Variants in HS3ST3A1 observed in about 807,000 individuals in gnomAD.
The protein encoded by HS3ST3A1 is heparan sulfate glucosamine 3-O-sulfotransferase 3A1.
A neutral mutation model predicts 25.7 loss-of-function variants in HS3ST3A1; 19 were observed. The ratio of observed to expected loss-of-function variants is 0.74; its 90% CI spans 0.52 to 1.08. The LOEUF (loss-of-function observed/expected upper bound fraction) is 1.08, where lower values mean the gene tolerates loss of function less well. HS3ST3A1 is among the 50% of genes least tolerant of loss of function. The pLI is 0.00. For missense variants in HS3ST3A1, 459 were observed against 594.3 expected (o/e 0.77, Z 2.37); for synonymous variants, 226 against 278.6 (o/e 0.81, Z 1.88).
intron 1 of HS3ST3A1, among the ~76,000 whole-genome samples, chr17:13,567,808 C>T (rs879521389): frequency 5.3e-5 from 8 of 152,118 alleles, no homozygotes; most frequent in Admixed American, 1.3e-4. Flanking sequence ...TATGGATGAA[C>T]GAAGAAAGTG....
Position 13,574,046 on chromosome 17 carries a change from C to T in HS3ST3A1, c.599+26485G>A, listed in dbSNP as rs925698465. Among the ~76,000 whole-genome samples, 30 of 151,922 alleles carry T rather than the reference C, an allele frequency of 2.0e-4. 1 individual carries two copies. The highest frequency in any genetic ancestry group is 6.9e-3 in the Middle Eastern group (2 of 288). On this transcript the variant is annotated intron_variant, in intron 1 of 1. Transcript: ENST00000284110. The stretch of plus-strand genomic sequence containing the variant: ...GTGGTATTCTGTTACAGCAGATAAA[C>T]TAAGACCATTCCCTAATGCAGTTCT...
At chr17:13,589,591 A>C (rs76137377) in intron 1 of HS3ST3A1, among the ~76,000 whole-genome samples, 1,933 of 152,320 alleles carry the variant, frequency 0.013, 30 homozygotes, top group African/African-American at 0.045. Flanking sequence ...TTCTTAAAAC[A>C]AGAAAAAACA....
At position 13,601,216 on chromosome 17, in the gene HS3ST3A1, C is replaced by G. The variant is rs913955276; in HGVS notation, c.-87G>C. 1.9e-6 allele frequency: 2 copies of G among 1,038,634 alleles called. No individual in the cohort carries two copies. The highest frequency in any genetic ancestry group is 1.8e-5 in the South Asian group (1 of 54,108). 64.3% of individuals were successfully genotyped at this position (1,038,634 alleles called of 1,614,324 possible). On this transcript the variant is annotated 5_prime_UTR_variant, in exon 1 of 2. Coordinates refer to ENST00000284110, the MANE Select transcript of HS3ST3A1 (RefSeq NM_006042.3). ...CCAGAGCATCCCCCCGGCGGGCCAG[C>G]GCGCTGGACGGAGGCCACATCGCCG...
intron 1 of HS3ST3A1, among the ~76,000 whole-genome samples, chr17:13,552,102 CAG>C (rs1403892222): frequency 2.6e-5 from 4 of 152,104 alleles, no homozygotes; most frequent in East Asian, 1.9e-4. Context: ...TTTTTTGAGA[CAG>C]AGTCTCGTTC....
In HS3ST3A1 at chr17:13,495,174, A is replaced by T. The variant is rs1271801743; in HGVS notation, c.*1023T>A. Among the ~76,000 whole-genome samples the T allele has an allele frequency of 6.6e-6, 1 of 152,194 alleles. No individual in the cohort carries two copies. The highest frequency in any genetic ancestry group is 1.5e-5 in the Non-Finnish European group (1 of 68,038). ...TTTTTTTAAAGTCAATTAAATCAAC[A>T]AATGGGTAAGTTACGTTCCTAACAC... is the stretch of plus-strand genomic sequence containing the variant. On this transcript the variant is annotated 3_prime_UTR_variant, in exon 2 of 2. Transcript: ENST00000284110.
At chr17:13,510,495 T>C (rs909502192) in intron 1 of HS3ST3A1, among the ~76,000 whole-genome samples, 15 of 152,198 alleles carry the variant, frequency 9.9e-5, no homozygotes, top group African/African-American at 3.6e-4. Flanking sequence ...TTGTTGGTTG[T>C]TTGTTCATTC....
intron 1 of HS3ST3A1, among the ~76,000 whole-genome samples, chr17:13,533,499 A>C (rs1385776697): frequency 1.1e-5 from 1 of 93,940 alleles, no homozygotes; most frequent in African/African-American, 3.5e-5. Flanking sequence ...AAATATACAA[A>C]GAATACTTAT....
At chr17:13,539,509 G>T (rs963866326) in intron 1 of HS3ST3A1, among the ~76,000 whole-genome samples, 1 of 152,160 alleles carries the variant, frequency 6.6e-6, no homozygotes, top group African/African-American at 2.4e-5. Flanking sequence ...CATTGGCAAA[G>T]AACATCTTTT....
At chr17:13,510,514 T>C (rs1427752576) in intron 1 of HS3ST3A1, among the ~76,000 whole-genome samples, 1 of 152,252 alleles carries the variant, frequency 6.6e-6, no homozygotes, top group East Asian at 1.9e-4. Flanking sequence ...TCGCTATTTT[T>C]CTGTCAGTTT....
At chr17:13,593,820 G>C (rs1908502188) in intron 1 of HS3ST3A1, among the ~76,000 whole-genome samples, 1 of 152,126 alleles carries the variant, frequency 6.6e-6, no homozygotes, top group African/African-American at 2.4e-5. Flanking sequence ...CCCTAGAACA[G>C]TACAACGATC....
chr17:13,548,471 C>T (rs79445529), intron 1 of HS3ST3A1, among the ~76,000 whole-genome samples: 2,982 of 152,268 alleles, frequency 0.02, 107 homozygotes, highest in African/African-American at 0.068. Flanking sequence ...ATGAATTTTG[C>T]AGGAACATGT....
chr17:13,593,233 CAAAAAAA>C (rs5819419), intron 1 of HS3ST3A1, among the ~76,000 whole-genome samples: 1,678 of 103,190 alleles, frequency 0.016, 42 homozygotes, highest in African/African-American at 0.054. Context: ...TGTTTGTAGC[CAAAAAAA>C]AAAAAAAAAA....
At chr17:13,563,208 G>T (rs576547134) in intron 1 of HS3ST3A1, among the ~76,000 whole-genome samples, 1 of 151,836 alleles carries the variant, frequency 6.6e-6, no homozygotes, top group African/African-American at 2.4e-5. Flanking sequence ...TGAAATGTTC[G>T]CCAGAACCGC....
chr17:13,585,076 C>G (rs1301201241), intron 1 of HS3ST3A1, among the ~76,000 whole-genome samples: 1 of 151,534 alleles, frequency 6.6e-6, no homozygotes, highest in African/African-American at 2.4e-5. Context: ...CTCCCATCCT[C>G]ATTACCAGCA....
chr17:13,543,236 C>T (rs1906986669), intron 1 of HS3ST3A1, among the ~76,000 whole-genome samples: 1 of 152,124 alleles, frequency 6.6e-6, no homozygotes, highest in Non-Finnish European at 1.5e-5. Context: ...ATACTAATCG[C>T]AACAAGCATT....
chr17:13,588,499 A>C (rs1478019486), intron 1 of HS3ST3A1, among the ~76,000 whole-genome samples: 1 of 152,184 alleles, frequency 6.6e-6, no homozygotes, highest in African/African-American at 2.4e-5. Context: ...TACACTAGTC[A>C]ACGTTTTTCA....
intron 1 of HS3ST3A1, among the ~76,000 whole-genome samples, chr17:13,501,565 T>A (rs6502270): frequency 0.81 from 123,797 of 152,158 alleles, 50,862 homozygotes; most frequent in East Asian, 0.94. Context: ...ATCTCAAATA[T>A]AAAAACGAGG....
At chr17:13,579,806 A>G (rs1908059148) in intron 1 of HS3ST3A1, among the ~76,000 whole-genome samples, 1 of 150,396 alleles carries the variant, frequency 6.6e-6, no homozygotes, top group Non-Finnish European at 1.5e-5. Context: ...CCCTGTCTCT[A>G]CTAAAACTAC....
chr17:13,507,767 C>T (rs545137831), intron 1 of HS3ST3A1, among the ~76,000 whole-genome samples: 33 of 152,212 alleles, frequency 2.2e-4, no homozygotes, highest in African/African-American at 7.7e-4. Flanking sequence ...TTTTTGGAAG[C>T]CTCTGGCAGC....
Sources: gnomAD v4.1 joint callset for allele counts (sites outside exome capture counted in the v4.1 genomes callset) on GRCh38, gnomAD v4.1.1 for gene constraint, MANE v1.5 for transcripts, NCBI Gene and HGNC (gene_info 2026-07-23, HGNC 2026-07-21) for gene names.